Variants in KALRN observed in about 807,000 individuals in gnomAD.
KALRN encodes the protein kalirin.
KALRN carries 70 observed loss-of-function variants against 353.7 expected under a neutral mutation model. The observed-to-expected ratio is 0.20, with a 90% CI of 0.16 to 0.24. The LOEUF is 0.24. Among genes scored for constraint, KALRN ranks in the 10% least tolerant of loss-of-function variants. The pLI, the probability that KALRN is intolerant of heterozygous loss-of-function variation, is 1.00. For synonymous variants in KALRN, 1,391 were observed against 1,434.8 expected (o/e 0.97, Z 0.69); for missense variants, 2,791 against 3,756.7 (o/e 0.74, Z 6.72).
chr3:124,298,844 G>A lies in KALRN; in HGVS notation c.1023G>A (p.Glu341=), dbSNP rs553248799. Residue 341 remains glutamate, a synonymous_variant, in exon 6 of 60, where the codon GAG becomes GAA. Coordinates refer to ENST00000682506, the MANE Select transcript of KALRN (RefSeq NM_001388419.1). ...AGTTATTCCTCCAGAGCCACACGGA[G>A]ATCGGAGTCAGCTACCAGTACGCCC... ...NKELFLQSHT[E]IGVSYQYALD... The A allele has an allele frequency of 3.2e-5, 52 of 1,614,196 alleles. No individual in the cohort carries two copies. In the East Asian group the frequency reaches 1.0e-3, roughly 33 times the overall value.
chr3:124,682,043 G>A (rs964642134), intron 51 of KALRN, among the ~76,000 whole-genome samples: 1 of 152,180 alleles, frequency 6.6e-6, no homozygotes, highest in Non-Finnish European at 1.5e-5. Context: ...ATTTTCAGAT[G>A]CAAATAAATA....
chr3:124,661,276 A>G (rs1382471528), intron 44 of KALRN, among the ~76,000 whole-genome samples: 1 of 152,230 alleles, frequency 6.6e-6, no homozygotes, highest in Non-Finnish European at 1.5e-5. Flanking sequence ...GATTAGATGT[A>G]AGTTGCACAA....
chr3:124,170,188 C>T (rs2071534139), intron 1 of KALRN, among the ~76,000 whole-genome samples: 1 of 152,180 alleles, frequency 6.6e-6, no homozygotes, highest in Non-Finnish European at 1.5e-5. Flanking sequence ...TGTGGCTTTA[C>T]CCCAAGGAAC....
chr3:124,457,579 C>T (rs1201263048), intron 23 of KALRN, among the ~76,000 whole-genome samples: 2 of 152,170 alleles, frequency 1.3e-5, no homozygotes, highest in Non-Finnish European at 2.9e-5. Context: ...CTTTTTATGT[C>T]CTAAACATTA....
chr3:124,350,161 C>T (rs1234429388), intron 10 of KALRN, among the ~76,000 whole-genome samples: 3 of 152,188 alleles, frequency 2.0e-5, no homozygotes, highest in Non-Finnish European at 4.4e-5. Context: ...GCAGTTTTTG[C>T]ATTTTGTTAC....
At chr3:124,155,604 G>C (rs1332502657) in intron 1 of KALRN, among the ~76,000 whole-genome samples, 2 of 152,166 alleles carry the variant, frequency 1.3e-5, no homozygotes, top group African/African-American at 4.8e-5. Context: ...TCACAAACAA[G>C]ACAGTTAAGA....
intron 49 of KALRN, among the ~76,000 whole-genome samples, 169 bp from the exon 50 acceptor site, chr3:124,678,021 C>T (rs1381417748): frequency 4.6e-5 from 7 of 152,186 alleles, no homozygotes; most frequent in African/African-American, 1.2e-4. Flanking sequence ...CAGTTGGAGG[C>T]GAGGTCAGCC....
chr3:124,219,328 A>T (rs16835186), intron 1 of KALRN, among the ~76,000 whole-genome samples: 3,442 of 152,334 alleles, frequency 0.023, 123 homozygotes, highest in African/African-American at 0.077. Flanking sequence ...CCAGATGGTG[A>T]TTGAGCAGTT....
intron 45 of KALRN, among the ~76,000 whole-genome samples, chr3:124,664,371 G>GTGTGTGTGTGCGCGCGCGCGCGTGCA (rs780486751): frequency 7.8e-5 from 6 of 77,044 alleles, no homozygotes; most frequent in African/African-American, 5.3e-4. Context: ...GTGTGTGTGT[G>GTGTGTGTGTGCGCGCGCGCGCGTGCA]CGCGCGCGCG....
intron 27 of KALRN, among the ~76,000 whole-genome samples, chr3:124,482,373 C>T (rs2062069036): frequency 6.6e-6 from 1 of 152,158 alleles, no homozygotes; most frequent in South Asian, 2.1e-4. Context: ...CAGGGAAACA[C>T]TCCTCAGGAG....
At chr3:124,677,441 G>C in intron 49 of KALRN, 1 of 358,518 alleles carries the variant, frequency 2.8e-6, no homozygotes, top group Non-Finnish European at 5.4e-6. Context: ...AGGATGAAAG[G>C]CCTATTGAAA....
intron 1 of KALRN, among the ~76,000 whole-genome samples, chr3:124,178,189 TTTTC>T (rs2073045424): frequency 6.6e-6 from 1 of 152,206 alleles, no homozygotes; most frequent in Non-Finnish European, 1.5e-5. Flanking sequence ...GTAGTTCCCC[TTTTC>T]TGCGGGTGAT....
At chr3:124,282,981 C>A (rs2149058527) in intron 5 of KALRN, among the ~76,000 whole-genome samples, 1 of 152,318 alleles carries the variant, frequency 6.6e-6, no homozygotes, top group South Asian at 2.1e-4. Flanking sequence ...TCAGGCCCAC[C>A]TAGCACATAC....
intron 34 of KALRN, among the ~76,000 whole-genome samples, chr3:124,601,079 C>T (rs1293897428): frequency 6.6e-6 from 1 of 152,192 alleles, no homozygotes; most frequent in Non-Finnish European, 1.5e-5. Context: ...ACTGAGTCCC[C>T]CTCCTGACGT....
chr3:124,395,525 T>A, intron 12 of KALRN, 182 bp downstream of exon 12: 1 of 553,604 alleles, frequency 1.8e-6, no homozygotes, highest in Non-Finnish European at 3.2e-6. Flanking sequence ...AAATAGTAAA[T>A]GGAAAAGCTT....
At chr3:124,612,064 G>A (rs935962400) in intron 34 of KALRN, among the ~76,000 whole-genome samples, 1 of 152,180 alleles carries the variant, frequency 6.6e-6, no homozygotes. Flanking sequence ...CGCTCTTGTA[G>A]CTCAGGCTGG....
intron 1 of KALRN, among the ~76,000 whole-genome samples, chr3:124,179,077 A>G (rs1243504593): frequency 6.6e-6 from 1 of 152,178 alleles, no homozygotes; most frequent in Non-Finnish European, 1.5e-5. Context: ...ATGGCATTCC[A>G]GCCTGCTGGG....
At chr3:124,672,675 C>G (rs2086609931) in intron 48 of KALRN, among the ~76,000 whole-genome samples, 1 of 152,186 alleles carries the variant, frequency 6.6e-6, no homozygotes, top group Non-Finnish European at 1.5e-5. Flanking sequence ...CAACCATAGA[C>G]TTAGTCTACA....
intron 51 of KALRN, among the ~76,000 whole-genome samples, chr3:124,681,206 A>T (rs574149065): frequency 6.6e-6 from 1 of 152,340 alleles, no homozygotes; most frequent in South Asian, 2.1e-4. Flanking sequence ...AGCAGCACAC[A>T]TTAAGAAAAT....
Sources: allele counts gnomAD v4.1 joint callset (sites outside exome capture counted in the v4.1 genomes callset), GRCh38; gene constraint gnomAD v4.1.1; transcripts MANE v1.5; gene names NCBI Gene and HGNC (gene_info 2026-07-23, HGNC 2026-07-21).